ANKRD33B: variants seen among roughly 807,000 people sequenced by gnomAD.
The protein encoded by ANKRD33B is ankyrin repeat domain 33B.
In ANKRD33B, 6 loss-of-function variants were observed where a neutral mutation model predicts 21.5. The observed-to-expected ratio is 0.28, with a 90% CI of 0.15 to 0.55. The LOEUF (loss-of-function observed/expected upper bound fraction) is 0.55. Ranked by LOEUF, ANKRD33B falls within the 20% of genes least tolerant of loss-of-function variation. The probability of loss-of-function intolerance (pLI) is 0.94; values close to 1 mark genes in which losing one functional copy is unlikely to be tolerated. For synonymous variants in ANKRD33B, 347 were observed against 342.4 expected (o/e 1.01, Z -0.15); for missense variants, 698 against 747.2 (o/e 0.93, Z 0.77).
At chr5:10,615,435 C>G (rs1262156519) in intron 1 of ANKRD33B, among the ~76,000 whole-genome samples, 2 of 152,224 alleles carry the variant, frequency 1.3e-5, no homozygotes, top group Non-Finnish European at 2.9e-5. Context: ...AACAGATCAT[C>G]TGAGTATCCA....
At position 10,591,194 on chromosome 5, in the gene ANKRD33B, G is replaced by GTTTTTTTTTTTTTTT. The variant is rs749837253; in HGVS notation, c.366+26361_366+26362insTTTTTTTTTTTTTTT. On this transcript the variant is annotated intron_variant, in intron 1 of 3. Transcript: ENST00000296657. ...AATAGTCATCTACATTTTTTTTAGT[G>GTTTTTTTTTTTTTTT]GTTTTTTTTTTTTTTTGAGATGGAG... Among the ~76,000 whole-genome samples the GTTTTTTTTTTTTTTT allele has an allele frequency of 4.4e-4, 50 of 113,480 alleles. 8 individuals carry two copies. Among genetic ancestry groups the GTTTTTTTTTTTTTTT allele is most frequent in the Non-Finnish European group, 5.1e-4 (29 of 56,940 alleles). The allele number at this position is 113,480 out of a possible 152,430, so 74.4% of individuals were successfully genotyped here. A position where few individuals can be genotyped will look rare whatever the true frequency, so the allele number is the denominator to read the frequency against.
At chr5:10,643,964 A>G (rs1185717098) in intron 3 of ANKRD33B, among the ~76,000 whole-genome samples, 1 of 151,958 alleles carries the variant, frequency 6.6e-6, no homozygotes, top group Non-Finnish European at 1.5e-5. Flanking sequence ...CTCCCAAGAA[A>G]AGTGGGTTTT....
At chr5:10,638,001 A>T in intron 2 of ANKRD33B, 27 bp from the exon 3 acceptor site, 1 of 1,534,796 alleles carries the variant, frequency 6.5e-7, no homozygotes, top group African/African-American at 1.4e-5. Context: ...AGTGGGAACC[A>T]ATACACGTGT....
chr5:10,605,695 A>AT (rs1736032508), intron 1 of ANKRD33B, among the ~76,000 whole-genome samples: 1 of 151,968 alleles, frequency 6.6e-6, no homozygotes. Flanking sequence ...TGCCCAGCTA[A>AT]TTTTTGTATG....
intron 1 of ANKRD33B, 140 bp downstream of exon 1, chr5:10,564,973 C>A (rs1178344049): frequency 4.0e-6 from 5 of 1,243,216 alleles, no homozygotes; most frequent in South Asian, 1.6e-5. Flanking sequence ...GCCTTTTCCC[C>A]GCTGTTTGGG....
intron 1 of ANKRD33B, among the ~76,000 whole-genome samples, chr5:10,586,891 A>T (rs7723327): frequency 0.32 from 49,265 of 152,022 alleles, 8,492 homozygotes; most frequent in Admixed American, 0.47. Context: ...GTATTTACTT[A>T]GCTAAGAAAT....
intron 3 of ANKRD33B, among the ~76,000 whole-genome samples, chr5:10,647,727 G>A (rs1198381936): frequency 1.3e-5 from 2 of 152,186 alleles, no homozygotes; most frequent in South Asian, 2.1e-4. Context: ...AGGCTCGAAG[G>A]CTGGAAACTC....
In ANKRD33B at chr5:10,577,082, C is replaced by CTTTCCCT. The variant is rs1381272880; in HGVS notation, c.366+12252_366+12258dup. ...CTCTTTCTTTTCCCTTCCCTTTCCC[C>CTTTCCCT]TTTCCCTTTCCCTTCCCCTTCCCCT... On this transcript the variant is annotated intron_variant, in intron 1 of 3. Coordinates refer to ENST00000296657, the MANE Select transcript of ANKRD33B (RefSeq NM_001164440.2). Among the ~76,000 whole-genome samples the CTTTCCCT allele has an allele frequency of 5.9e-5, 9 of 151,834 alleles. No individual in the cohort carries two copies. In the East Asian group the frequency reaches 1.7e-3, roughly 29 times the overall value.
chr5:10,592,000 A>AGTAT lies in ANKRD33B; in HGVS notation c.367-26316_367-26313dup, dbSNP rs531684043. On this transcript the variant is annotated intron_variant, in intron 1 of 3. Coordinates refer to ENST00000296657, the MANE Select transcript of ANKRD33B (RefSeq NM_001164440.2). ...CATCAGTAAACTATTTTAGGATATA[A>AGTAT]GTATGTATGTATGTATGTATATATA... Among the ~76,000 whole-genome samples the AGTAT allele has an allele frequency of 5.3e-3, 807 of 151,824 alleles. 10 individuals are homozygous for AGTAT. The highest frequency in any genetic ancestry group is 0.019 in the African/African-American group (767 of 41,350).
intron 2 of ANKRD33B, among the ~76,000 whole-genome samples, chr5:10,618,850 A>G (rs1203868187): frequency 6.6e-6 from 1 of 152,146 alleles, no homozygotes; most frequent in African/African-American, 2.4e-5. Context: ...ATGAAAGTAG[A>G]CACGTGTAGA....
chr5:10,648,851 C>T (rs1414897469), intron 3 of ANKRD33B, among the ~76,000 whole-genome samples: 1 of 152,190 alleles, frequency 6.6e-6, no homozygotes, highest in Non-Finnish European at 1.5e-5. Context: ...GCAGGTTGGG[C>T]TGGGCACGGT....
At chr5:10,643,819 CAAAAAAAAAAAAA>C (rs374365829) in intron 3 of ANKRD33B, among the ~76,000 whole-genome samples, 1 of 89,614 alleles carries the variant, frequency 1.1e-5, no homozygotes, top group Non-Finnish European at 2.1e-5. Flanking sequence ...GACTCTGTCT[CAAAAAAAAAAAAA>C]AAAAAAAAAG....
intron 1 of ANKRD33B, among the ~76,000 whole-genome samples, chr5:10,585,174 T>C (rs1017710620): frequency 3.0e-4 from 46 of 152,328 alleles, no homozygotes; most frequent in African/African-American, 1.1e-3. Context: ...AGAGCTCTGC[T>C]GGCGTCGTGT....
intron 2 of ANKRD33B, among the ~76,000 whole-genome samples, chr5:10,633,225 C>T (rs56305434): frequency 0.21 from 31,129 of 151,510 alleles, 3,401 homozygotes; most frequent in South Asian, 0.33. Context: ...CCTCAGCCTC[C>T]GGAGTAACTG....
chr5:10,573,404 G>C (rs927187083), intron 1 of ANKRD33B, among the ~76,000 whole-genome samples: 1 of 148,880 alleles, frequency 6.7e-6, no homozygotes, highest in South Asian at 2.1e-4. Flanking sequence ...GGAGGCGGGG[G>C]TTGCAGTGAG....
chr5:10,640,516 C>T (rs1380403683), intron 3 of ANKRD33B, among the ~76,000 whole-genome samples: 3 of 152,208 alleles, frequency 2.0e-5, no homozygotes, highest in South Asian at 2.1e-4. Flanking sequence ...CTTCGTGCAA[C>T]CTCATCGGGT....
At chr5:10,641,981 C>T (rs1381278490) in intron 3 of ANKRD33B, among the ~76,000 whole-genome samples, 2 of 152,094 alleles carry the variant, frequency 1.3e-5, no homozygotes, top group Admixed American at 1.3e-4. Context: ...TTGTGTTTGG[C>T]GGGAGCTTCA....
chr5:10,575,702 A>G (rs1282506939), intron 1 of ANKRD33B, among the ~76,000 whole-genome samples: 1 of 152,170 alleles, frequency 6.6e-6, no homozygotes, highest in Non-Finnish European at 1.5e-5. Context: ...TTGCTGATTT[A>G]AAAATAAAGG....
At chr5:10,586,350 C>G (rs761936206) in intron 1 of ANKRD33B, among the ~76,000 whole-genome samples, 19 of 152,314 alleles carry the variant, frequency 1.2e-4, no homozygotes, top group Middle Eastern at 3.4e-3. Flanking sequence ...TAAGGTTCAA[C>G]TGTAACACAG....
Sources: allele counts gnomAD v4.1 joint callset (sites outside exome capture counted in the v4.1 genomes callset), GRCh38; gene constraint gnomAD v4.1.1; transcripts MANE v1.5; gene names NCBI Gene and HGNC (gene_info 2026-07-23, HGNC 2026-07-21).